RBM33: variants seen among roughly 807,000 people sequenced by gnomAD.
The protein encoded by RBM33 is RNA binding motif protein 33.
In RBM33, 28 loss-of-function variants were observed where a neutral mutation model predicts 132.6. The observed-to-expected ratio is 0.21, with a 90% CI of 0.16 to 0.29. The LOEUF (loss-of-function observed/expected upper bound fraction) is 0.29. Ranked by LOEUF, RBM33 falls within the 10% of genes least tolerant of loss-of-function variation. The probability of loss-of-function intolerance (pLI) is 1.00; values close to 1 mark genes in which losing one functional copy is unlikely to be tolerated. For synonymous variants in RBM33, 634 were observed against 593.0 expected, an observed-to-expected ratio of 1.07 and a Z score of -1.01; for missense variants, 1,291 against 1,518.5, an observed-to-expected ratio of 0.85 and a Z score of 2.49.
intron 1 of RBM33, among the ~76,000 whole-genome samples, chr7:155,657,734 G>A (rs907144264): frequency 8.5e-5 from 13 of 152,240 alleles, no homozygotes; most frequent in Admixed American, 3.3e-4. Flanking sequence ...TAATTTCTTC[G>A]CTGTGTCTTA....
Position 155,745,745 on chromosome 7 carries a change from G to T in RBM33, c.2979+143G>T, listed in dbSNP as rs1369790812. The T allele has an allele frequency of 3.6e-6, 3 of 843,924 alleles. No individual in the cohort carries two copies. The highest frequency in any genetic ancestry group is 3.4e-5 in the African/African-American group (2 of 58,324). The allele number at this position is 843,924 out of a possible 1,614,324, so 52.3% of individuals were successfully genotyped here. A position where few individuals can be genotyped will look rare whatever the true frequency, so the allele number is the denominator to read the frequency against. ...ACCAATCTCTACCTACTTGAAGTTG[G>T]TATAAGAATTGCCGCTTGACGACAG... On this transcript the variant is annotated intron_variant, in intron 14 of 17. Transcript: ENST00000401878. This position sits in a 1 kb window ranked among gnomAD's most constrained non-coding sequence, Gnocchi z 4.1.
At chr7:155,656,806 C>T (rs140270379) in intron 1 of RBM33, among the ~76,000 whole-genome samples, 6 of 152,178 alleles carry the variant, frequency 3.9e-5, no homozygotes, top group African/African-American at 1.4e-4. Context: ...TATAGTCAGC[C>T]CAGTTTGTAC....
chr7:155,731,052 T>G (rs1002953299), intron 9 of RBM33, among the ~76,000 whole-genome samples: 9 of 152,234 alleles, frequency 5.9e-5, no homozygotes, highest in African/African-American at 1.9e-4. Context: ...ATGAAAGAGC[T>G]AAAGACAGAG....
chr7:155,761,769 G>A (rs1005980110), intron 14 of RBM33, among the ~76,000 whole-genome samples: 3 of 151,944 alleles, frequency 2.0e-5, no homozygotes, highest in African/African-American at 7.3e-5. Context: ...TTACCATGCC[G>A]TTGCTTTTCG....
intron 1 of RBM33, among the ~76,000 whole-genome samples, chr7:155,653,144 A>C (rs780461005): frequency 1.1e-4 from 17 of 152,144 alleles, no homozygotes; most frequent in Non-Finnish European, 2.2e-4. Context: ...GTTATTGTAA[A>C]TAATACTAAT....
intron 4 of RBM33, among the ~76,000 whole-genome samples, 165 bp from the exon 5 acceptor site, chr7:155,680,425 G>A (rs1799305921): frequency 6.6e-6 from 1 of 152,212 alleles, no homozygotes; most frequent in South Asian, 2.1e-4. Context: ...CACTGGCTCT[G>A]TATAGCATTT....
intron 1 of RBM33, among the ~76,000 whole-genome samples, chr7:155,655,843 C>G (rs778210414): frequency 5.9e-5 from 9 of 151,936 alleles, no homozygotes; most frequent in Non-Finnish European, 1.3e-4. Context: ...TCACTTGAAC[C>G]CAAGAGTTCA....
chr7:155,672,786 C>A, intron 2 of RBM33, 81 bp from the exon 3 acceptor site: 29 of 711,310 alleles, frequency 4.1e-5, no homozygotes, highest in Non-Finnish European at 5.6e-5. Context: ...CTGTAGAGTT[C>A]TTGGTAAATT....
At chr7:155,690,063 A>G (rs552511495) in intron 5 of RBM33, among the ~76,000 whole-genome samples, 2 of 152,256 alleles carry the variant, frequency 1.3e-5, no homozygotes, top group Non-Finnish European at 2.9e-5. Context: ...TGATGTTGAC[A>G]GTGGGGTGTT....
chr7:155,680,763 A>G lies in RBM33; in HGVS notation c.422A>G (p.Glu141Gly), dbSNP rs1388438881. Residue 141 changes from glutamate to glycine, a missense_variant, in exon 5 of 18, where the codon GAG (glutamate) becomes GGG (glycine). Glu to Gly is a moderately conservative substitution (Grantham distance 98). Around this residue, in one of 7 missense-constraint regions of RBM33, gnomAD observed 194 missense variants for 249.8 expected, o/e 0.78. Transcript: ENST00000401878. ...KSDGSELYTQ[E>G]YPEEGQYEGH... ...GATGGATCAGAATTGTATACTCAAG[A>G]GTACCCAGAAGAAGGACAGTATGAA... The G allele has an allele frequency of 6.2e-7, 1 of 1,613,758 alleles. No individual in the cohort carries two copies. The highest frequency in any genetic ancestry group is 8.5e-7 in the Non-Finnish European group (1 of 1,179,756).
At chr7:155,722,621 G>GT (rs935352560) in intron 9 of RBM33, among the ~76,000 whole-genome samples, 5 of 152,054 alleles carry the variant, frequency 3.3e-5, no homozygotes, top group Admixed American at 1.3e-4. Context: ...TCCTCAGAGA[G>GT]TTTTTTGTTT....
intron 9 of RBM33, among the ~76,000 whole-genome samples, chr7:155,724,653 G>A (rs1035737622): frequency 5.3e-5 from 8 of 152,314 alleles, no homozygotes; most frequent in Non-Finnish European, 8.8e-5. Flanking sequence ...AGTGCCTACA[G>A]TTATATAATC....
intron 8 of RBM33, among the ~76,000 whole-genome samples, chr7:155,712,543 C>T (rs1053013676): frequency 6.6e-6 from 1 of 152,052 alleles, no homozygotes. Flanking sequence ...GAGCAGGATG[C>T]GGGGAAGGGA....
intron 9 of RBM33, among the ~76,000 whole-genome samples, chr7:155,720,741 C>T (rs531899334): frequency 4.6e-5 from 7 of 152,158 alleles, no homozygotes; most frequent in Admixed American, 3.3e-4. Context: ...GCAAAGCCGT[C>T]TGGAGATTTC....
chr7:155,655,471 C>T (rs971251993), intron 1 of RBM33, among the ~76,000 whole-genome samples: 24 of 149,890 alleles, frequency 1.6e-4, no homozygotes, highest in African/African-American at 5.7e-4. Flanking sequence ...TGGGAGTCCC[C>T]GAGACTATGT....
chr7:155,717,632 C>G (rs1018477938), intron 8 of RBM33, among the ~76,000 whole-genome samples: 2 of 152,080 alleles, frequency 1.3e-5, no homozygotes, highest in Admixed American at 1.3e-4. Flanking sequence ...TGCTGTAAGA[C>G]GTAGCTGCAC....
intron 14 of RBM33, among the ~76,000 whole-genome samples, chr7:155,754,846 AACCTT>A (rs1801796939): frequency 1.3e-5 from 2 of 152,210 alleles, no homozygotes; most frequent in African/African-American, 4.8e-5. Context: ...TGGTCTCTCT[AACCTT>A]ACGGATTTGG....
At chr7:155,684,340 T>C (rs1420151062) in intron 5 of RBM33, among the ~76,000 whole-genome samples, 1 of 152,172 alleles carries the variant, frequency 6.6e-6, no homozygotes, top group East Asian at 1.9e-4. Flanking sequence ...CCTTTTTTCT[T>C]CTCTGCAGTT....
chr7:155,742,198 C>T (rs1250393167), intron 13 of RBM33, 92 bp downstream of exon 13: 2 of 1,198,760 alleles, frequency 1.7e-6, no homozygotes, highest in Non-Finnish European at 2.3e-6. Flanking sequence ...CTAAGTTATT[C>T]ACAAAATCTT....
Sources: allele counts gnomAD v4.1 joint callset (sites outside exome capture counted in the v4.1 genomes callset), GRCh38; gene constraint gnomAD v4.1.1; regional missense constraint gnomAD v4.1.1; non-coding constraint Gnocchi (gnomAD v3.1); transcripts MANE v1.5; gene names NCBI Gene and HGNC (gene_info 2026-07-23, HGNC 2026-07-21).